The following PRKCZ variants were observed in gnomAD, a reference collection of about 807,000 sequenced individuals.
PRKCZ encodes protein kinase C zeta.
In PRKCZ, 33 loss-of-function variants were observed where a neutral mutation model predicts 79.5. The observed-to-expected ratio is 0.41, with a 90% CI of 0.31 to 0.55. PRKCZ has a LOEUF of 0.55. Ranked by LOEUF, PRKCZ falls within the 20% of genes least tolerant of loss-of-function variation. The pLI is 0.19. For synonymous variants in PRKCZ, 342 were observed against 320.9 expected, an observed-to-expected ratio of 1.07 and a Z score of -0.70; for missense variants, 578 against 813.5, an observed-to-expected ratio of 0.71 and a Z score of 3.52.
In PRKCZ at chr1:2,172,659, A is replaced by G. The variant is rs977679290; in HGVS notation, c.1285+271A>G. Among the ~76,000 whole-genome samples the G allele has an allele frequency of 6.6e-6, 1 of 152,194 alleles. No homozygotes were observed. Among genetic ancestry groups the G allele is most frequent in the Non-Finnish European group, 1.5e-5 (1 of 68,028 alleles). On this transcript the variant is annotated intron_variant, in intron 13 of 17. Transcript: ENST00000378567. The surrounding 1 kb of genome is among the most constrained non-coding windows in gnomAD (Gnocchi z 7.8). ...GGGCACAGGGAGGGGAAAGACACAG[A>G]AAGCGGGGGTGGGACAGGGTGCAGC... is the stretch of plus-strand genomic sequence containing the variant.
chr1:2,093,003 G>A (rs1286123911), intron 4 of PRKCZ, among the ~76,000 whole-genome samples: 2 of 152,242 alleles, frequency 1.3e-5, no homozygotes, highest in Non-Finnish European at 2.9e-5. Flanking sequence ...TGGGGACCGG[G>A]TGCCACCTCA....
intron 4 of PRKCZ, 116 bp downstream of exon 4, chr1:2,059,707 CAG>C (rs1261040493): frequency 1.4e-6 from 2 of 1,385,116 alleles, no homozygotes; most frequent in Non-Finnish European, 2.0e-6. Context: ...CGTGGAGCGT[CAG>C]GGCAGGAGCA....
At chr1:2,098,592 T>C (rs1223920780) in intron 4 of PRKCZ, 3 of 152,234 alleles carry the variant, frequency 2.0e-5, no homozygotes, top group Non-Finnish European at 4.4e-5. Flanking sequence ...CCCGGCCTTG[T>C]AGAAAACTCA....
At chr1:2,106,800 T>G in intron 4 of PRKCZ, among the ~76,000 whole-genome samples, 1 of 106,534 alleles carries the variant, frequency 9.4e-6, no homozygotes, top group Non-Finnish European at 2.0e-5. Context: ...GCCAGGTGAC[T>G]CTTCAGCAGG....
At chr1:2,063,441 T>C in intron 4 of PRKCZ, among the ~76,000 whole-genome samples, 1 of 152,166 alleles carries the variant, frequency 6.6e-6, no homozygotes, top group African/African-American at 2.4e-5. Flanking sequence ...GCCTCCCAAG[T>C]AGCTGGGACT....
intron 16 of PRKCZ, 163 bp from the exon 17 acceptor site, chr1:2,184,420 G>T: frequency 1.7e-6 from 1 of 590,338 alleles, no homozygotes; most frequent in East Asian, 2.9e-5. Flanking sequence ...ATATTTTCTA[G>T]ATTTTGTGTT....
chr1:2,091,964 A>C (rs891497489), intron 4 of PRKCZ, among the ~76,000 whole-genome samples: 1 of 152,084 alleles, frequency 6.6e-6, no homozygotes, highest in African/African-American at 2.4e-5. Context: ...TAAGGAGAAG[A>C]CTCATGTAGA....
chr1:2,061,634 C>A (rs909253326), intron 4 of PRKCZ, among the ~76,000 whole-genome samples: 2 of 152,154 alleles, frequency 1.3e-5, no homozygotes, highest in African/African-American at 2.4e-5. Context: ...TCTGGGGCAG[C>A]CTTTGCCGAG....
chr1:2,073,798 C>G, intron 4 of PRKCZ: 1 of 1,028,866 alleles, frequency 9.7e-7, no homozygotes, highest in Non-Finnish European at 1.2e-6. Context: ...TCGAGCCTCC[C>G]TGCCTATTGT....
At chr1:2,113,192 C>G (rs12049075) in intron 4 of PRKCZ, among the ~76,000 whole-genome samples, 3 of 152,342 alleles carry the variant, frequency 2.0e-5, no homozygotes, top group Admixed American at 1.3e-4. Flanking sequence ...TTCTGACTAG[C>G]GAGTACCTCG....
rs80050535 is a variant in PRKCZ, at chr1:2,094,496, T to A, written c.334+34905T>A. On this transcript the variant is annotated intron_variant, in intron 4 of 17. Transcript: ENST00000378567. This position sits in a 1 kb window ranked among gnomAD's most constrained non-coding sequence, Gnocchi z 7.3. Reference sequence around the variant, plus strand: ...GGGCGCTGCCCGTTCTGAGGCGCCCTCTGTGCCCGGCTCGTTGAACCTTGG... The same window carrying A: ...GGGCGCTGCCCGTTCTGAGGCGCCCACTGTGCCCGGCTCGTTGAACCTTGG... Among the ~76,000 whole-genome samples the A allele has an allele frequency of 8.6e-6, 1 of 116,810 alleles. No individual in the cohort carries two copies. The highest frequency in any genetic ancestry group is 1.8e-5 in the Non-Finnish European group (1 of 56,764). The allele number at this position is 116,810 out of a possible 152,430, so 76.6% of individuals were successfully genotyped here.
At chr1:2,169,880 G>A (rs766157014) in intron 11 of PRKCZ, among the ~76,000 whole-genome samples, 58 of 152,014 alleles carry the variant, frequency 3.8e-4, no homozygotes, top group Non-Finnish European at 5.7e-4. Flanking sequence ...AGTCCAGGTA[G>A]GATGGCAGAG....
chr1:2,076,986 AC>A (rs755856676), intron 4 of PRKCZ, among the ~76,000 whole-genome samples: 2 of 152,254 alleles, frequency 1.3e-5, no homozygotes, highest in Middle Eastern at 3.4e-3. Context: ...TCCAGGCAGA[AC>A]CAGTGATTCC....
At position 2,075,531 on chromosome 1, in the gene PRKCZ, C is replaced by T. The variant is rs986288616; in HGVS notation, c.334+15940C>T. ...ATCTTCCGCGTTCCTGTCCCAGCTG[C>T]ATCAGCCATCAGTGGGGGCCCTTCT... On this transcript the variant is annotated intron_variant, in intron 4 of 17. Coordinates refer to ENST00000378567, the MANE Select transcript of PRKCZ (RefSeq NM_002744.6). The surrounding 1 kb of genome is among the most constrained non-coding windows in gnomAD (Gnocchi z 4.8). 2.6e-5 allele frequency among the ~76,000 whole-genome samples: 4 copies of T among 152,168 alleles called. No individual in the cohort carries two copies. The highest frequency in any genetic ancestry group is 9.7e-5 in the African/African-American group (4 of 41,424).
At chr1:2,067,413 G>A (rs1454655665) in intron 4 of PRKCZ, among the ~76,000 whole-genome samples, 1 of 152,226 alleles carries the variant, frequency 6.6e-6, no homozygotes, top group African/African-American at 2.4e-5. Flanking sequence ...GGACACTGGT[G>A]GGGGCTGGGT....
At chr1:2,088,957 C>G (rs866724992) in intron 4 of PRKCZ, among the ~76,000 whole-genome samples, 1 of 152,138 alleles carries the variant, frequency 6.6e-6, no homozygotes, top group Non-Finnish European at 1.5e-5. Flanking sequence ...TTTTGTTTTC[C>G]GAGAGCATAT....
At position 2,075,863 on chromosome 1, in the gene PRKCZ, C is replaced by T. The variant is rs966593278; in HGVS notation, c.334+16272C>T. Among the ~76,000 whole-genome samples, 1 of 152,242 alleles carries T rather than the reference C, an allele frequency of 6.6e-6. No homozygotes were observed. The highest frequency in any genetic ancestry group is 1.5e-5 in the Non-Finnish European group (1 of 68,044). The stretch of plus-strand genomic sequence containing the variant: ...TCCTGAGAAGTTCCCGTGCTTGTGA[C>T]CTGCTCTCGTGTGTGTAGCAGCGGG... On this transcript the variant is annotated intron_variant, in intron 4 of 17. Coordinates refer to ENST00000378567, the MANE Select transcript of PRKCZ (RefSeq NM_002744.6). The surrounding 1 kb of genome is among the most constrained non-coding windows in gnomAD (Gnocchi z 4.8).
Position 2,062,508 on chromosome 1 carries a change from G to C in PRKCZ, c.334+2917G>C, listed in dbSNP as rs76520107. ...TTTTTTTTTTTTTTTTTTGGCAGAG[G>C]GGGGACGGAGTTTTGTTCTGTCACC... is the stretch of plus-strand genomic sequence containing the variant. On this transcript the variant is annotated intron_variant, in intron 4 of 17. Transcript: ENST00000378567. 2.7e-5 allele frequency among the ~76,000 whole-genome samples: 4 copies of C among 149,042 alleles called. No homozygotes were observed. The East Asian group carries it at 6.4e-4, about 24-fold the overall frequency.
chr1:2,154,111 C>G (rs1030357970), intron 9 of PRKCZ, among the ~76,000 whole-genome samples: 3 of 152,138 alleles, frequency 2.0e-5, no homozygotes, highest in Non-Finnish European at 4.4e-5. Flanking sequence ...GTGGGTGCTG[C>G]TGGTGAGGGC....
Sources: gnomAD v4.1 joint callset for allele counts (sites outside exome capture counted in the v4.1 genomes callset) on GRCh38, gnomAD v4.1.1 for gene constraint, Gnocchi (gnomAD v3.1) non-coding constraint, MANE v1.5 for transcripts, NCBI Gene and HGNC (gene_info 2026-07-23, HGNC 2026-07-21) for gene names.